USP32: variants seen among roughly 807,000 people sequenced by gnomAD.
USP32 encodes the protein ubiquitin carboxyl-terminal hydrolase 32.
In USP32, 59 loss-of-function variants were observed where a neutral mutation model predicts 204.8. The ratio of observed to expected loss-of-function variants is 0.29; its 90% CI spans 0.23 to 0.36. USP32 has a LOEUF of 0.36. Ranked by LOEUF, USP32 falls within the 10% of genes least tolerant of loss-of-function variation. USP32 has a pLI of 1.00. For synonymous variants in USP32, 517 were observed against 678.4 expected (o/e 0.76, Z 3.70); for missense variants, 1,160 against 1,946.4 (o/e 0.60, Z 7.60).
chr17:60,220,920 T>C (rs1488890137), intron 15 of USP32, among the ~76,000 whole-genome samples: 1 of 152,084 alleles, frequency 6.6e-6, no homozygotes, highest in Non-Finnish European at 1.5e-5. Context: ...AGTGCTGGGA[T>C]TACAGGCGTG....
intron 1 of USP32, among the ~76,000 whole-genome samples, chr17:60,362,370 G>T (rs750307720): frequency 6.6e-6 from 1 of 152,160 alleles, no homozygotes; most frequent in Non-Finnish European, 1.5e-5. Flanking sequence ...GGAGAAATAC[G>T]CAAGTTGGAT....
chr17:60,213,730 A>G, intron 17 of USP32, 68 bp from the exon 18 acceptor site: 1 of 1,470,136 alleles, frequency 6.8e-7, no homozygotes, highest in Non-Finnish European at 9.2e-7. Context: ...AGAGATAAAA[A>G]TGAGTAACAA....
intron 12 of USP32, 89 bp downstream of exon 12, chr17:60,236,049 C>G (rs2085715966): frequency 1.0e-6 from 1 of 1,004,810 alleles, no homozygotes. Context: ...TTATTATTGG[C>G]TGGTAGTCAT....
At chr17:60,288,764 T>C (rs1303664332) in intron 4 of USP32, 82 bp from the exon 5 acceptor site, 6 of 1,210,360 alleles carry the variant, frequency 5.0e-6, no homozygotes, top group African/African-American at 4.6e-5. Flanking sequence ...AAATTTGCAA[T>C]TAGTTGGCAA....
At chr17:60,349,626 A>ATATATTATATATATATATATATAT (rs2088893985) in intron 1 of USP32, among the ~76,000 whole-genome samples, 1 of 76,276 alleles carries the variant, frequency 1.3e-5, no homozygotes, top group East Asian at 3.5e-4. Context: ...TATATATATT[A>ATATATTATATATATATATATATAT]TATATATATA....
Position 60,391,765 on chromosome 17 carries a change from C to T in USP32, c.58+117G>A, listed in dbSNP as rs531213486. On this transcript the variant is annotated intron_variant, in intron 1 of 33. Transcript: ENST00000300896. ...ACACTCCCCAAGGCCGGCCGCCTTTCCCTTCCGCCTCAGGCGCCCCACGCC... is the reference window on the plus strand; with the variant it reads ...ACACTCCCCAAGGCCGGCCGCCTTTTCCTTCCGCCTCAGGCGCCCCACGCC... 9.5e-5 allele frequency: 113 copies of T among 1,192,262 alleles called. No homozygotes were observed. In the African/African-American group the frequency reaches 1.7e-3, roughly 18 times the overall value. 73.9% of individuals were successfully genotyped at this position (1,192,262 alleles called of 1,614,324 possible). A position where few individuals can be genotyped will look rare whatever the true frequency, so the allele number is the denominator to read the frequency against.
At chr17:60,317,635 C>G (rs563871745) in intron 2 of USP32, among the ~76,000 whole-genome samples, 1 of 151,830 alleles carries the variant, frequency 6.6e-6, no homozygotes, top group South Asian at 2.1e-4. Context: ...GGCAAAATAG[C>G]GAGACCCTCA....
chr17:60,197,937 T>C (rs186297051), intron 27 of USP32, among the ~76,000 whole-genome samples: 17 of 152,340 alleles, frequency 1.1e-4, no homozygotes, highest in African/African-American at 3.8e-4. Context: ...ACTGAGATTA[T>C]ACAAATTTCC....
intron 13 of USP32, among the ~76,000 whole-genome samples, 181 bp from the exon 14 acceptor site, chr17:60,223,767 G>A (rs986929550): frequency 1.3e-5 from 2 of 152,088 alleles, no homozygotes; most frequent in Non-Finnish European, 2.9e-5. Context: ...TACATGGCAT[G>A]GTACTAAAAA....
chr17:60,377,134 T>G (rs1567884681), intron 1 of USP32, among the ~76,000 whole-genome samples: 1 of 152,126 alleles, frequency 6.6e-6, no homozygotes, highest in Non-Finnish European at 1.5e-5. Flanking sequence ...AGATAGGATA[T>G]CTTCTGAGAA....
chr17:60,349,624 T>TATACATATATATACACATA (rs1491225872), intron 1 of USP32, among the ~76,000 whole-genome samples: 1 of 60,298 alleles, frequency 1.7e-5, no homozygotes, highest in African/African-American at 1.2e-4. Flanking sequence ...TATATATATA[T>TATACATATATATACACATA]TATATATATA....
intron 1 of USP32, among the ~76,000 whole-genome samples, chr17:60,414,855 CTT>C (rs778384707): frequency 1.8e-4 from 24 of 133,516 alleles, no homozygotes; most frequent in Admixed American, 2.3e-4. Context: ...TTCTTTCTTT[CTT>C]TTTTTTTTTT....
chr17:60,337,827 G>A (rs187003480), intron 2 of USP32, among the ~76,000 whole-genome samples: 5 of 152,214 alleles, frequency 3.3e-5, no homozygotes, highest in Non-Finnish European at 7.4e-5. Context: ...GCTACAATGA[G>A]CCATGATCGG....
intron 11 of USP32, among the ~76,000 whole-genome samples, chr17:60,251,839 T>A (rs936241248): frequency 6.6e-6 from 1 of 152,082 alleles, no homozygotes; most frequent in East Asian, 1.9e-4. Flanking sequence ...TGCTAGCCAA[T>A]CATTTAAAAT....
At chr17:60,296,461 T>C (rs540885867) in intron 3 of USP32, among the ~76,000 whole-genome samples, 1 of 152,138 alleles carries the variant, frequency 6.6e-6, no homozygotes, top group East Asian at 1.9e-4. Flanking sequence ...ACCCCAAGGA[T>C]TGTCAGTCAT....
upstream of USP32, among the ~76,000 whole-genome samples, chr17:60,393,157 T>C (rs373876348): frequency 7.8e-4 from 119 of 152,316 alleles, 4 homozygotes; most frequent in South Asian, 0.024. Context: ...GCAACCGCTG[T>C]CCTACTATCA....
At chr17:60,342,690 G>C (rs372377838) in intron 2 of USP32, among the ~76,000 whole-genome samples, 5 of 152,328 alleles carry the variant, frequency 3.3e-5, no homozygotes, top group South Asian at 4.1e-4. Context: ...AGACTGCTGC[G>C]CTAACAGTGA....
chr17:60,292,093 C>T (rs1194772638), intron 4 of USP32, among the ~76,000 whole-genome samples: 1 of 151,960 alleles, frequency 6.6e-6, no homozygotes, highest in African/African-American at 2.4e-5. Flanking sequence ...CTAGACCTTC[C>T]AGGGTATTTG....
chr17:60,411,390 C>A (rs1567900600), intron 1 of USP32, among the ~76,000 whole-genome samples: 1 of 148,134 alleles, frequency 6.8e-6, no homozygotes, highest in Non-Finnish European at 1.5e-5. Context: ...TGCATGCCTG[C>A]AGTCCCAGCT....
Sources: allele counts gnomAD v4.1 joint callset (sites outside exome capture counted in the v4.1 genomes callset), GRCh38; gene constraint gnomAD v4.1.1; transcripts MANE v1.5; gene names NCBI Gene and HGNC (gene_info 2026-07-23, HGNC 2026-07-21).